The following ADGB variants were observed in gnomAD, a reference collection of about 807,000 sequenced individuals.
The protein encoded by ADGB is androglobin, also known as calpain-7-like protein.
A neutral mutation model predicts 210.5 loss-of-function variants in ADGB; 172 were observed. That is an observed-to-expected ratio of 0.82 (90% CI 0.72 to 0.93). ADGB has a LOEUF of 0.93. ADGB is among the 40% of genes least tolerant of loss of function. The probability of loss-of-function intolerance (pLI) is 0.00; values close to 1 mark genes in which losing one functional copy is unlikely to be tolerated. For synonymous variants in ADGB, 658 were observed against 662.7 expected (o/e 0.99, Z 0.11); for missense variants, 2,025 against 1,964.8 (o/e 1.03, Z -0.58).
intron 35 of ADGB, chr6:146,803,001 A>G: frequency 1.9e-6 from 3 of 1,608,552 alleles, no homozygotes; most frequent in Non-Finnish European, 2.5e-6. Context: ...TAAACCAACT[A>G]TAACATATTC....
rs1776110829 is a variant in ADGB at position 146,678,323 on chromosome 6, T to G, written c.1216+1882T>G. ...CTCACTGCAATCTCCACCTCCCAGG[T>G]TCAAGCGATTCTTGTGCCTCAACCT... On this transcript the variant is annotated intron_variant, in intron 9 of 35. Transcript: ENST00000397944. Among the ~76,000 whole-genome samples, 3 of 152,180 alleles carry G rather than the reference T, an allele frequency of 2.0e-5. No individual in the cohort carries two copies. In the South Asian group the frequency reaches 6.2e-4, roughly 32 times the overall value.
intron 19 of ADGB, 21 bp from the exon 20 acceptor site, chr6:146,728,545 AGGATGGCT>A: frequency 6.5e-7 from 1 of 1,543,250 alleles, no homozygotes; most frequent in Non-Finnish European, 8.8e-7. Context: ...AGGATGAGTG[AGGATGGCT>A]GCCATGCTTT....
intron 27 of ADGB, among the ~76,000 whole-genome samples, 179 bp from the exon 28 acceptor site, chr6:146,763,722 A>T (rs1442493977): frequency 1.3e-5 from 2 of 152,228 alleles, no homozygotes; most frequent in Non-Finnish European, 2.9e-5. Context: ...TGCATGTCAC[A>T]TACTATTATA....
At chr6:146,741,810 G>A (rs1777167254) in intron 25 of ADGB, among the ~76,000 whole-genome samples, 1 of 152,076 alleles carries the variant, frequency 6.6e-6, no homozygotes. Context: ...AAACCACATT[G>A]CTTCTCTGTT....
At chr6:146,753,844 T>C (rs1490733416) in intron 27 of ADGB, among the ~76,000 whole-genome samples, 2 of 151,830 alleles carry the variant, frequency 1.3e-5, no homozygotes, top group East Asian at 3.9e-4. Context: ...TGTATCTCTA[T>C]GAGTTTTTTT....
chr6:146,784,761 C>G lies in ADGB; in HGVS notation c.4179C>G (p.Ala1393=), dbSNP rs1296189643. The G allele has an allele frequency of 6.5e-7, 1 of 1,550,088 alleles. No individual in the cohort carries two copies. Among genetic ancestry groups the G allele is most frequent in the Admixed American group, 2.0e-5 (1 of 50,800 alleles). ...RADEIRAMKQ[A]WETTEPGRAI... ...ATGAAATCCGAGCCATGAAACAAGC[C>G]TGGGAGACAACTGAGCCAGGAAGAG... The change falls in exon 31 of 36, where the codon GCC becomes GCG. Residue 1393 remains alanine, a synonymous_variant. Coordinates refer to ENST00000397944, the MANE Select transcript of ADGB (RefSeq NM_024694.4).
At chr6:146,621,815 A>G (rs1176141838) in intron 1 of ADGB, among the ~76,000 whole-genome samples, 1 of 151,852 alleles carries the variant, frequency 6.6e-6, no homozygotes, top group Non-Finnish European at 1.5e-5. Context: ...ACTGTTGTGC[A>G]TTTTGGGCTA....
intron 35 of ADGB, 69 bp downstream of exon 35, chr6:146,802,080 T>A: frequency 9.6e-7 from 1 of 1,041,678 alleles, no homozygotes; most frequent in Non-Finnish European, 1.3e-6. Flanking sequence ...AGAAATTATA[T>A]AATTAAATAA....
chr6:146,662,224 C>A (rs1423949654), intron 5 of ADGB, among the ~76,000 whole-genome samples: 1 of 151,930 alleles, frequency 6.6e-6, no homozygotes. Context: ...ATATTTTTTG[C>A]CCCACTCTCT....
intron 12 of ADGB, among the ~76,000 whole-genome samples, chr6:146,700,091 A>G (rs1266608551): frequency 3.3e-5 from 5 of 152,334 alleles, no homozygotes; most frequent in Admixed American, 3.3e-4. Flanking sequence ...CGTGATAGAC[A>G]TGCCCCTTGT....
At chr6:146,758,343 T>C (rs1042609576) in intron 27 of ADGB, among the ~76,000 whole-genome samples, 1 of 152,050 alleles carries the variant, frequency 6.6e-6, no homozygotes, top group South Asian at 2.1e-4. Context: ...TGGGCACTTT[T>C]GTGCAGCTCT....
chr6:146,730,390 A>G (rs1776963842), intron 20 of ADGB, among the ~76,000 whole-genome samples: 1 of 152,208 alleles, frequency 6.6e-6, no homozygotes, highest in African/African-American at 2.4e-5. Context: ...TACCCCAAGC[A>G]GATACAGCCC....
chr6:146,686,995 A>T (rs192091329), intron 10 of ADGB, among the ~76,000 whole-genome samples: 1 of 152,236 alleles, frequency 6.6e-6, no homozygotes, highest in Non-Finnish European at 1.5e-5. Context: ...CACGTTGCTA[A>T]CATTTTTCCC....
intron 9 of ADGB, among the ~76,000 whole-genome samples, chr6:146,676,808 C>G (rs1192432653): frequency 1.3e-5 from 2 of 152,166 alleles, no homozygotes; most frequent in Non-Finnish European, 2.9e-5. Flanking sequence ...AAACAAAAAG[C>G]CTACATCTGG....
chr6:146,642,470 A>G (rs1008731225), intron 2 of ADGB, among the ~76,000 whole-genome samples: 1 of 152,044 alleles, frequency 6.6e-6, no homozygotes, highest in Non-Finnish European at 1.5e-5. Flanking sequence ...AATAGCAAAA[A>G]CATGGAAGCA....
At chr6:146,654,509 C>A (rs916535860) in intron 4 of ADGB, among the ~76,000 whole-genome samples, 1 of 151,922 alleles carries the variant, frequency 6.6e-6, no homozygotes, top group Admixed American at 6.6e-5. Flanking sequence ...TGTGCCATCT[C>A]CCCCAGCTAA....
At chr6:146,733,699 T>C (rs1583612821) in intron 21 of ADGB, among the ~76,000 whole-genome samples, 194 bp from the exon 22 acceptor site, 1 of 152,304 alleles carries the variant, frequency 6.6e-6, no homozygotes, top group Admixed American at 6.5e-5. Flanking sequence ...TATGTCCCTA[T>C]TTTGTGTGTT....
chr6:146,625,028 G>T (rs1021472087), intron 1 of ADGB, among the ~76,000 whole-genome samples: 13 of 152,006 alleles, frequency 8.6e-5, no homozygotes, highest in Non-Finnish European at 1.6e-4. Context: ...CACTTGAAAA[G>T]AATGTGTATT....
chr6:146,799,682 C>G (rs547185754), intron 33 of ADGB, among the ~76,000 whole-genome samples: 1 of 151,684 alleles, frequency 6.6e-6, no homozygotes, highest in African/African-American at 2.4e-5. Flanking sequence ...ATGTACCACT[C>G]TGGTAGGGGA....
Sources: allele counts gnomAD v4.1 joint callset (sites outside exome capture counted in the v4.1 genomes callset), GRCh38; gene constraint gnomAD v4.1.1; transcripts MANE v1.5; gene names NCBI Gene and HGNC (gene_info 2026-07-23, HGNC 2026-07-21).